ASTN1: variants seen among roughly 807,000 people sequenced by gnomAD.
ASTN1 encodes the protein astrotactin-1.
In ASTN1, 41 loss-of-function variants were observed where a neutral mutation model predicts 140.7. That is an observed-to-expected ratio of 0.29 (90% CI 0.23 to 0.38). The LOEUF is 0.38. Ranked by LOEUF, ASTN1 falls within the 10% of genes least tolerant of loss-of-function variation. The probability of loss-of-function intolerance (pLI) is 1.00; values close to 1 mark genes in which losing one functional copy is unlikely to be tolerated. For synonymous variants in ASTN1, 640 were observed against 652.2 expected, an observed-to-expected ratio of 0.98 and a Z score of 0.29; for missense variants, 1,479 against 1,678.8, an observed-to-expected ratio of 0.88 and a Z score of 2.08.
intron 1 of ASTN1, among the ~76,000 whole-genome samples, chr1:177,122,350 C>T (rs779452865): frequency 2.0e-5 from 3 of 152,156 alleles, no homozygotes; most frequent in Non-Finnish European, 2.9e-5. Context: ...GAGAGTAGAA[C>T]TGTCTTTACT....
intron 12 of ASTN1, among the ~76,000 whole-genome samples, 183 bp downstream of exon 12, chr1:176,949,002 A>AACTTTAAAATGTTCCCCCTCG (rs1325754232): frequency 6.6e-6 from 1 of 152,154 alleles, no homozygotes; most frequent in East Asian, 1.9e-4. Context: ...GGTCCCACAC[A>AACTTTAAAATGTTCCCCCTCG]ACTTTAAAAT....
chr1:176,881,120 G>A (rs994095175), intron 20 of ASTN1, among the ~76,000 whole-genome samples: 2 of 152,184 alleles, frequency 1.3e-5, no homozygotes, highest in African/African-American at 4.8e-5. Flanking sequence ...GGATCCTTCC[G>A]GGAGAGGAAT....
At chr1:176,944,631 G>C (rs138138401) in intron 13 of ASTN1, among the ~76,000 whole-genome samples, 2 of 152,178 alleles carry the variant, frequency 1.3e-5, no homozygotes, top group African/African-American at 2.4e-5. Flanking sequence ...AATACATGTC[G>C]GAGTAAGACG....
At chr1:176,926,761 G>A (rs78049356) in intron 16 of ASTN1, among the ~76,000 whole-genome samples, 1,877 of 152,286 alleles carry the variant, frequency 0.012, 42 homozygotes, top group African/African-American at 0.043. Context: ...ACATAAAGCC[G>A]TATAGAAATT....
At chr1:177,116,892 G>C (rs1001719350) in intron 1 of ASTN1, among the ~76,000 whole-genome samples, 2 of 152,036 alleles carry the variant, frequency 1.3e-5, no homozygotes, top group Admixed American at 1.3e-4. Flanking sequence ...CTACCTTTGT[G>C]AACCTTGCTT....
rs74127249 is a variant in ASTN1, at chr1:176,863,817, C to T, written c.*467G>A. On this transcript the variant is annotated 3_prime_UTR_variant, in exon 23 of 23. Coordinates refer to ENST00000361833, the MANE Select transcript of ASTN1 (RefSeq NM_004319.3). Reference sequence around the variant, plus strand: ...CAGGGCCAAGGCTCCCAGAGTGAGACGCTTCCTGAGGAATGCTTGAGGGTG... The same window carrying T: ...CAGGGCCAAGGCTCCCAGAGTGAGATGCTTCCTGAGGAATGCTTGAGGGTG... 6.9e-3 allele frequency: 6,822 copies of T among 992,960 alleles called. 336 individuals are homozygous for T. In the African/African-American group the frequency reaches 0.11, roughly 16 times the overall value. 61.5% of individuals were successfully genotyped at this position (992,960 alleles called of 1,614,324 possible).
At chr1:176,886,522 C>T (rs1571458444) in intron 18 of ASTN1, among the ~76,000 whole-genome samples, 1 of 152,154 alleles carries the variant, frequency 6.6e-6, no homozygotes, top group East Asian at 1.9e-4. Context: ...CTCAAGAAGT[C>T]CAATCATGAC....
intron 1 of ASTN1, among the ~76,000 whole-genome samples, chr1:177,078,314 C>T (rs1679017966): frequency 6.6e-6 from 1 of 152,164 alleles, no homozygotes; most frequent in Admixed American, 6.5e-5. Context: ...CACTGCCTCT[C>T]ACTGACCTGT....
intron 16 of ASTN1, among the ~76,000 whole-genome samples, chr1:176,898,608 G>A (rs544583337): frequency 1.4e-4 from 22 of 152,294 alleles, no homozygotes; most frequent in Admixed American, 5.9e-4. Flanking sequence ...AGTGAGAGTC[G>A]TTCAGGTCCT....
At chr1:177,105,943 C>A (rs1200945962) in intron 1 of ASTN1, among the ~76,000 whole-genome samples, 1 of 152,160 alleles carries the variant, frequency 6.6e-6, no homozygotes, top group African/African-American at 2.4e-5. Context: ...CTGCAGTGAG[C>A]TATTACTGCA....
intron 22 of ASTN1, among the ~76,000 whole-genome samples, chr1:176,866,400 A>C (rs1571429278): frequency 6.6e-6 from 1 of 152,186 alleles, no homozygotes; most frequent in African/African-American, 2.4e-5. Context: ...GAGCCTCTGC[A>C]GTTTGGCCAA....
At chr1:177,037,725 C>T (rs767202479) in intron 2 of ASTN1, among the ~76,000 whole-genome samples, 18 of 152,146 alleles carry the variant, frequency 1.2e-4, no homozygotes, top group Middle Eastern at 6.3e-3. Flanking sequence ...CATGAATTTT[C>T]TGATTATTCT....
At chr1:176,938,286 G>T (rs1399546749) in intron 14 of ASTN1, among the ~76,000 whole-genome samples, 1 of 152,188 alleles carries the variant, frequency 6.6e-6, no homozygotes, top group Non-Finnish European at 1.5e-5. Context: ...TAGAGCATAA[G>T]ATGTGCATCT....
intron 8 of ASTN1, among the ~76,000 whole-genome samples, chr1:176,987,558 A>G (rs1295242583): frequency 1.3e-5 from 2 of 151,848 alleles, no homozygotes; most frequent in African/African-American, 4.8e-5. Flanking sequence ...CTATATTTCT[A>G]CCCTCACCCT....
Position 176,973,812 on chromosome 1 carries a change from A to G in ASTN1, c.1524-8575T>C, listed in dbSNP as rs547724208. Reference sequence around the variant, plus strand: ...CAGTAATTAGGCATGAACAGTTTCCACTCCTGACTAGAGTGCTGCCATCCC... The same window carrying G: ...CAGTAATTAGGCATGAACAGTTTCCGCTCCTGACTAGAGTGCTGCCATCCC... On this transcript the variant is annotated intron_variant, in intron 8 of 22. Transcript: ENST00000361833. Among the ~76,000 whole-genome samples the G allele has an allele frequency of 3.3e-5, 5 of 151,820 alleles. No individual in the cohort carries two copies. The South Asian group carries it at 6.3e-4, about 19-fold the overall frequency.
chr1:176,893,381 G>T (rs1669351741), intron 17 of ASTN1, among the ~76,000 whole-genome samples: 1 of 152,226 alleles, frequency 6.6e-6, no homozygotes, highest in South Asian at 2.1e-4. Flanking sequence ...TATCCTTTCA[G>T]ACCCATCCTT....
At chr1:177,027,293 G>T (rs1263475312) in intron 5 of ASTN1, among the ~76,000 whole-genome samples, 2 of 152,076 alleles carry the variant, frequency 1.3e-5, no homozygotes, top group Non-Finnish European at 2.9e-5. Context: ...GATAAGAGCT[G>T]TTAGAGCTCT....
At chr1:176,896,498 C>A (rs997312465) in intron 16 of ASTN1, among the ~76,000 whole-genome samples, 7 of 152,120 alleles carry the variant, frequency 4.6e-5, no homozygotes, top group African/African-American at 1.7e-4. Context: ...ACCCAAGACT[C>A]CCCCCTCCTC....
In ASTN1 at chr1:176,876,630, G is replaced by T. The variant is rs1308661837; in HGVS notation, c.3370C>A (p.Leu1124Met). The T allele has an allele frequency of 1.9e-6, 3 of 1,614,120 alleles. No homozygotes were observed. Among genetic ancestry groups the T allele is most frequent in the Admixed American group, 1.7e-5 (1 of 60,004 alleles). ...LEPDTIYMFT[L>M]WGVDNTGRRS... Reference sequence around the variant, plus strand: ...CGTCCTGTGTTGTCCACTCCCCACAGCGTGAACCTGGCAGGGAGTGGGAGG... The same window carrying T: ...CGTCCTGTGTTGTCCACTCCCCACATCGTGAACCTGGCAGGGAGTGGGAGG... The change falls in exon 21 of 23, where the codon CTG (leucine) becomes ATG (methionine). Residue 1124 changes from leucine to methionine, a missense_variant. By Grantham distance (15) the Leu-to-Met change is conservative. Around this residue, in one of 3 missense-constraint regions of ASTN1, gnomAD observed 746 missense variants for 800.9 expected, o/e 0.93. Transcript: ENST00000361833.
Sources: gnomAD v4.1 joint callset for allele counts (sites outside exome capture counted in the v4.1 genomes callset) on GRCh38, gnomAD v4.1.1 for gene constraint, gnomAD v4.1.1 regional missense constraint, MANE v1.5 for transcripts, NCBI Gene and HGNC (gene_info 2026-07-23, HGNC 2026-07-21) for gene names.